SKIC3: variants seen among roughly 807,000 people sequenced by gnomAD.
SKIC3 encodes the protein superkiller complex protein 3.
chr5:95,504,505 T>C, the SKIC3 span, among the ~76,000 whole-genome samples: 4 of 151,942 alleles, frequency 2.6e-5, no homozygotes, highest in African/African-American at 9.7e-5. Flanking sequence ...CTCTAATTTT[T>C]TTAAGCTGAA....
the SKIC3 span, among the ~76,000 whole-genome samples, chr5:95,467,504 A>T: frequency 6.6e-6 from 1 of 152,168 alleles, no homozygotes; most frequent in African/African-American, 2.4e-5. Context: ...GTACATATAC[A>T]GGTTAAATCA....
chr5:95,507,077 C>G, the SKIC3 span: 1 of 1,421,332 alleles, frequency 7.0e-7, no homozygotes, highest in South Asian at 1.2e-5. Flanking sequence ...TCCTCTTTAG[C>G]TGAATCCACA....
the SKIC3 span, among the ~76,000 whole-genome samples, chr5:95,539,744 T>C: frequency 9.3e-5 from 14 of 150,472 alleles, no homozygotes; most frequent in African/African-American, 3.5e-4. Context: ...CTTGTGAGGC[T>C]GAGGCAGGAG....
chr5:95,520,649 ATCT>A, the SKIC3 span: 8 of 1,255,576 alleles, frequency 6.4e-6, no homozygotes, highest in African/African-American at 7.6e-5. Flanking sequence ...ACATAAAATG[ATCT>A]TCTAAATTTG....
the SKIC3 span, chr5:95,495,194 A>C: frequency 1.6e-6 from 1 of 608,630 alleles, no homozygotes; most frequent in Non-Finnish European, 2.9e-6. Context: ...AAGACTAATA[A>C]TCTTGTGAAA....
At chr5:95,466,421 G>C in the SKIC3 span, among the ~76,000 whole-genome samples, 1 of 152,108 alleles carries the variant, frequency 6.6e-6, no homozygotes, top group Admixed American at 6.5e-5. Context: ...ACACCTAGCA[G>C]ACCAAGGATA....
At chr5:95,550,360 A>G in the SKIC3 span, among the ~76,000 whole-genome samples, 2 of 151,912 alleles carry the variant, frequency 1.3e-5, no homozygotes, top group African/African-American at 4.8e-5. Context: ...AACAATAATA[A>G]TAAATAGTAA....
At chr5:95,532,500 G>A in the SKIC3 span, among the ~76,000 whole-genome samples, 5 of 152,046 alleles carry the variant, frequency 3.3e-5, no homozygotes, top group African/African-American at 9.7e-5. Context: ...CTTGTATAAA[G>A]AGACAAGGAA....
chr5:95,546,525 G>A, the SKIC3 span, among the ~76,000 whole-genome samples: 1 of 152,008 alleles, frequency 6.6e-6, no homozygotes, highest in East Asian at 1.9e-4. Context: ...TGTATGGATG[G>A]GCACCTATCT....
the SKIC3 span, chr5:95,484,898 T>C: frequency 1.3e-6 from 2 of 1,591,710 alleles, no homozygotes; most frequent in East Asian, 4.5e-5. Context: ...TAATGTGTTC[T>C]TAGAGGAGTA....
At chr5:95,492,625 A>T in the SKIC3 span, among the ~76,000 whole-genome samples, 1 of 87,486 alleles carries the variant, frequency 1.1e-5, no homozygotes, top group African/African-American at 4.2e-5. Context: ...CGACAGAGCG[A>T]GACTCCGTCT....
the SKIC3 span, chr5:95,503,800 A>T: frequency 6.2e-7 from 1 of 1,613,234 alleles, no homozygotes; most frequent in Non-Finnish European, 8.5e-7. Context: ...TTAGCTTCAG[A>T]GCAATATACT....
At chr5:95,529,036 T>C in the SKIC3 span, 10 of 1,613,682 alleles carry the variant, frequency 6.2e-6, no homozygotes, top group East Asian at 2.2e-5. Context: ...TTTAGGTCTA[T>C]GCATTTTGAC....
At chr5:95,518,657 T>C in the SKIC3 span, among the ~76,000 whole-genome samples, 3 of 152,146 alleles carry the variant, frequency 2.0e-5, no homozygotes, top group Admixed American at 6.6e-5. Context: ...TTTTTATGGC[T>C]GAATAGTATT....
chr5:95,512,545 A>C, the SKIC3 span: 2 of 1,614,092 alleles, frequency 1.2e-6, no homozygotes, highest in Non-Finnish European at 1.7e-6. Context: ...GTACTGGTAC[A>C]GCTCTGTTTC....
chr5:95,533,936 G>T, the SKIC3 span, among the ~76,000 whole-genome samples: 2 of 152,226 alleles, frequency 1.3e-5, no homozygotes, highest in South Asian at 4.1e-4. Context: ...TCCTCAAAAA[G>T]AATTTTCAAA....
At chr5:95,481,933 A>G in the SKIC3 span, among the ~76,000 whole-genome samples, 1 of 152,334 alleles carries the variant, frequency 6.6e-6, no homozygotes, top group Middle Eastern at 3.4e-3. Context: ...ATTGTATAAA[A>G]TAATTATGTG....
the SKIC3 span, among the ~76,000 whole-genome samples, chr5:95,476,300 C>A: frequency 8.5e-5 from 13 of 152,230 alleles, 1 homozygote; most frequent in Admixed American, 8.5e-4. Context: ...TCAGGTTATA[C>A]TGGAGGATTC....
At chr5:95,519,217 G>A in the SKIC3 span, among the ~76,000 whole-genome samples, 1 of 151,936 alleles carries the variant, frequency 6.6e-6, no homozygotes, top group East Asian at 1.9e-4. Flanking sequence ...ATTCCTTTTA[G>A]AATGAGAAAA....
Sources: allele counts gnomAD v4.1 joint callset (sites outside exome capture counted in the v4.1 genomes callset), GRCh38; gene constraint gnomAD v4.1.1; transcripts MANE v1.5; gene names NCBI Gene and HGNC (gene_info 2026-07-23, HGNC 2026-07-21).